The following MYT1L variants were observed in gnomAD, a reference collection of about 807,000 sequenced individuals.
The protein encoded by MYT1L is myelin transcription factor 1 like.
A neutral mutation model predicts 126.7 loss-of-function variants in MYT1L; 12 were observed. That is an observed-to-expected ratio of 0.09 (90% confidence interval 0.06 to 0.15). The LOEUF (loss-of-function observed/expected upper bound fraction) is 0.15, where lower values mean the gene tolerates loss of function less well. Ranked by LOEUF, MYT1L falls within the 10% of genes least tolerant of loss-of-function variation. The pLI is 1.00. For missense variants in MYT1L, 979 were observed against 1,585.2 expected, an observed-to-expected ratio of 0.62 and a Z score of 6.49; for synonymous variants, 541 against 604.2, an observed-to-expected ratio of 0.90 and a Z score of 1.53.
At position 1,910,681 on chromosome 2, in the gene MYT1L, T is replaced by G. The variant is rs1204159083; in HGVS notation, c.1710-334A>C. 6.6e-6 allele frequency among the ~76,000 whole-genome samples: 1 copy of G among 152,104 alleles called. No homozygotes were observed. The highest frequency in any genetic ancestry group is 1.5e-5 in the Non-Finnish European group (1 of 68,020). On this transcript the variant is annotated intron_variant, in intron 12 of 24. Coordinates refer to ENST00000647738, the MANE Select transcript of MYT1L (RefSeq NM_001303052.2). The surrounding 1 kb of genome is among the most constrained non-coding windows in gnomAD (Gnocchi z 4.8). Reference sequence around the variant, plus strand: ...TGTAGACAGATTCCATTTCTGGAGATGAAGAATTAACAGCTTGGGTAGGAT... The same window carrying G: ...TGTAGACAGATTCCATTTCTGGAGAGGAAGAATTAACAGCTTGGGTAGGAT...
intron 4 of MYT1L, among the ~76,000 whole-genome samples, chr2:2,003,957 G>A (rs1384584034): frequency 2.0e-5 from 3 of 150,702 alleles, no homozygotes; most frequent in South Asian, 4.2e-4. Flanking sequence ...TTTCCTGCAT[G>A]CGTTCTTTCC....
intron 19 of MYT1L, among the ~76,000 whole-genome samples, chr2:1,847,170 A>G (rs1417745641): frequency 3.3e-5 from 5 of 152,244 alleles, no homozygotes; most frequent in Admixed American, 6.5e-5. Context: ...CAAGACGGGC[A>G]GCTGAGCATC....
At chr2:1,810,269 C>G (rs1364499750) in intron 21 of MYT1L, among the ~76,000 whole-genome samples, 1 of 151,714 alleles carries the variant, frequency 6.6e-6, no homozygotes, top group East Asian at 1.9e-4. Flanking sequence ...GAATTATAGC[C>G]TCTGGGATTA....
rs192381596 is a variant in MYT1L, at chr2:2,243,842, G to A, written c.-421+40562C>T. Among the ~76,000 whole-genome samples, 556 of 152,296 alleles carry A rather than the reference G, an allele frequency of 3.7e-3. 3 individuals carry two copies. The highest frequency in any genetic ancestry group is 7.1e-3 in the Non-Finnish European group (480 of 68,036). On this transcript the variant is annotated intron_variant, in intron 2 of 24. Coordinates refer to ENST00000647738, the MANE Select transcript of MYT1L (RefSeq NM_001303052.2). ...ACATTTCAGTATATGAAGCAACAAG[G>A]AGGCTCGAAGTTAGCTTCCAGTGGA...
intron 2 of MYT1L, among the ~76,000 whole-genome samples, chr2:2,177,713 T>A (rs1413431867): frequency 6.6e-6 from 1 of 152,082 alleles, no homozygotes; most frequent in African/African-American, 2.4e-5. Context: ...TATAAAACCA[T>A]CAGATCTTAT....
chr2:1,930,425 C>T (rs2054797875), intron 9 of MYT1L, among the ~76,000 whole-genome samples: 1 of 152,154 alleles, frequency 6.6e-6, no homozygotes, highest in Non-Finnish European at 1.5e-5. Flanking sequence ...CTGATTCCAC[C>T]TTGATCTCCT....
At chr2:2,214,752 C>A (rs1395833972) in intron 2 of MYT1L, among the ~76,000 whole-genome samples, 6 of 151,930 alleles carry the variant, frequency 3.9e-5, no homozygotes, top group African/African-American at 1.2e-4. Flanking sequence ...AACATAGGAC[C>A]GAATTGGGAT....
chr2:2,029,607 C>T (rs886475941), intron 4 of MYT1L, among the ~76,000 whole-genome samples: 2 of 152,144 alleles, frequency 1.3e-5, no homozygotes, highest in East Asian at 1.9e-4. Flanking sequence ...AAAGCCGTAT[C>T]GATGTGCATA....
At position 1,881,355 on chromosome 2, in the gene MYT1L, C is replaced by CGTGTGTGTGT. The variant is rs59171974; in HGVS notation, c.2711+5174_2711+5183dup. ...GTGGTTTATTGTTGGTTTGCAGGTT[C>CGTGTGTGTGT]GTGTGTGTGTGTGTGTGTGTGTGTG... On this transcript the variant is annotated intron_variant, in intron 18 of 24. Transcript: ENST00000647738. 8.2e-3 allele frequency among the ~76,000 whole-genome samples: 1,135 copies of CGTGTGTGTGT among 139,208 alleles called. 9 individuals are homozygous for CGTGTGTGTGT. Among genetic ancestry groups the CGTGTGTGTGT allele is most frequent in the Non-Finnish European group, 9.9e-3 (630 of 63,454 alleles). 91.3% of individuals were successfully genotyped at this position (139,208 alleles called of 152,430 possible). A position where few individuals can be genotyped will look rare whatever the true frequency, so the allele number is the denominator to read the frequency against.
Position 1,887,570 on chromosome 2 carries a change from T to C in MYT1L, c.2560A>G (p.Arg854Gly), listed in dbSNP as rs2148838167. The stretch of plus-strand genomic sequence containing the variant: ...ATGGTCACCTCCCCGGGATACCGTC[T>C]TTCTTCTAGAGCCTCCTGGAATGGG... ...LDPFQEALEE[R>G]RYPGEVTIPS... The change falls in exon 17 of 25, where the codon AGA becomes GGA. Residue 854 changes from arginine (R) to glycine (G), a missense_variant. Transcript: ENST00000647738. This position sits in a 1 kb window ranked among gnomAD's most constrained non-coding sequence, Gnocchi z 4.8. 1.2e-6 allele frequency: 2 copies of C among 1,613,984 alleles called. No homozygotes were observed. Among genetic ancestry groups the C allele is most frequent in the African/African-American group, 2.7e-5 (2 of 75,028 alleles).
intron 18 of MYT1L, among the ~76,000 whole-genome samples, chr2:1,863,039 G>C (rs1035760913): frequency 1.3e-5 from 2 of 152,226 alleles, no homozygotes; most frequent in African/African-American, 2.4e-5. Context: ...GGCTGGCCCA[G>C]ATGGACACTG....
rs1475465146 is a variant in MYT1L at position 2,217,700 on chromosome 2, CAACAACAA to C, written c.-420-44720_-420-44713del. On this transcript the variant is annotated intron_variant, in intron 2 of 24. Coordinates refer to ENST00000647738, the MANE Select transcript of MYT1L (RefSeq NM_001303052.2). ...ACAACAACAACAACAACAACAACAA[CAACAACAA>C]AAAAAAAAAAAGAAAGAAGGAAAAA... Among the ~76,000 whole-genome samples the C allele has an allele frequency of 3.2e-4, 23 of 72,688 alleles. 2 individuals carry two copies. Among genetic ancestry groups the C allele is most frequent in the South Asian group, 1.7e-3 (4 of 2,334 alleles). 47.7% of individuals were successfully genotyped at this position (72,688 alleles called of 152,430 possible).
intron 2 of MYT1L, among the ~76,000 whole-genome samples, chr2:2,276,651 G>A (rs573423936): frequency 4.5e-4 from 69 of 152,244 alleles, no homozygotes; most frequent in African/African-American, 1.1e-3. Flanking sequence ...CCAAGCCACC[G>A]AAAAGCAGCT....
chr2:1,915,022 C>T (rs1305666273), intron 11 of MYT1L, among the ~76,000 whole-genome samples: 1 of 151,936 alleles, frequency 6.6e-6, no homozygotes, highest in Non-Finnish European at 1.5e-5. Context: ...CGTGCAGAGC[C>T]CCGGCCTCGT....
chr2:2,266,036 T>C (rs1180700569), intron 2 of MYT1L, among the ~76,000 whole-genome samples: 5 of 152,204 alleles, frequency 3.3e-5, no homozygotes, highest in Non-Finnish European at 7.3e-5. Flanking sequence ...AATCAGCAGC[T>C]GGGCAAATGC....
intron 8 of MYT1L, among the ~76,000 whole-genome samples, chr2:1,971,153 C>T (rs1228223081): frequency 6.6e-6 from 1 of 152,136 alleles, no homozygotes; most frequent in Non-Finnish European, 1.5e-5. Flanking sequence ...GCACTCCAGC[C>T]TGGGGGAACG....
rs111629582 is a variant in MYT1L at position 2,169,511 on chromosome 2, C to T, written c.-304+3361G>A. 2.0e-4 allele frequency among the ~76,000 whole-genome samples: 31 copies of T among 152,316 alleles called. No homozygotes were observed. In the South Asian group the frequency reaches 5.4e-3, roughly 26 times the overall value. ...CATAAGGAGGCTTTAAAAACATCTA[C>T]GGCATCGTTAACATCTTTTTCAGCA... On this transcript the variant is annotated intron_variant, in intron 3 of 24. Coordinates refer to ENST00000647738, the MANE Select transcript of MYT1L (RefSeq NM_001303052.2).
intron 23 of MYT1L, among the ~76,000 whole-genome samples, chr2:1,797,064 G>C (rs926169907): frequency 1.3e-5 from 2 of 150,038 alleles, no homozygotes; most frequent in Middle Eastern, 6.9e-3. Flanking sequence ...CTGGGGAATC[G>C]TGGAGTCCAG....
At chr2:2,318,358 C>T (rs983996190) in intron 1 of MYT1L, among the ~76,000 whole-genome samples, 2 of 152,186 alleles carry the variant, frequency 1.3e-5, no homozygotes, top group African/African-American at 4.8e-5. Context: ...CCTTTCCACT[C>T]TTACTAACCC....
Sources: allele counts gnomAD v4.1 joint callset (sites outside exome capture counted in the v4.1 genomes callset), GRCh38; gene constraint gnomAD v4.1.1; non-coding constraint Gnocchi (gnomAD v3.1); transcripts MANE v1.5; gene names NCBI Gene and HGNC (gene_info 2026-07-23, HGNC 2026-07-21).